The following RALYL variants were observed in gnomAD, a reference collection of about 807,000 sequenced individuals.
RALYL encodes the protein RALY RNA binding protein like.
A neutral mutation model predicts 35.1 loss-of-function variants in RALYL; 29 were observed. The observed-to-expected ratio is 0.83, with a 90% confidence interval of 0.61 to 1.13. The LOEUF is 1.13. Ranked by LOEUF, RALYL falls within the 50% of genes most tolerant of loss-of-function variation. The probability of loss-of-function intolerance (pLI) is 0.00; values close to 1 mark genes in which losing one functional copy is unlikely to be tolerated. For synonymous variants in RALYL, 120 were observed against 127.6 expected (o/e 0.94, Z 0.40); for missense variants, 359 against 360.4 (o/e 1.00, Z 0.03).
At chr8:84,664,262 G>GTTTTTTTTTTTTTTT (rs750256632) in intron 2 of RALYL, among the ~76,000 whole-genome samples, 1 of 43,064 alleles carries the variant, frequency 2.3e-5, no homozygotes, top group Non-Finnish European at 4.3e-5. Flanking sequence ...GATGCCTCTA[G>GTTTTTTTTTTTTTTT]ATTTTTTTTT....
At chr8:84,644,332 C>T (rs966896135) in intron 2 of RALYL, among the ~76,000 whole-genome samples, 1 of 151,960 alleles carries the variant, frequency 6.6e-6, no homozygotes, top group Non-Finnish European at 1.5e-5. Flanking sequence ...TATTCATACA[C>T]TTAACAAATA....
chr8:84,301,315 A>AT (rs1428565207), intron 1 of RALYL, among the ~76,000 whole-genome samples: 1 of 151,146 alleles, frequency 6.6e-6, no homozygotes, highest in Non-Finnish European at 1.5e-5. Context: ...CTTAAAAAAA[A>AT]TTTTTTTTTA....
intron 1 of RALYL, among the ~76,000 whole-genome samples, chr8:84,420,130 C>A (rs965129051): frequency 1.4e-4 from 21 of 151,766 alleles, no homozygotes; most frequent in Non-Finnish European, 2.5e-4. Context: ...CACTGACTTC[C>A]ACAATGGTTG....
intron 1 of RALYL, among the ~76,000 whole-genome samples, chr8:84,414,845 C>T (rs2044472065): frequency 6.6e-6 from 1 of 152,126 alleles, no homozygotes; most frequent in South Asian, 2.1e-4. Flanking sequence ...GCTCAGGAAA[C>T]ATGGGCCAAG....
intron 2 of RALYL, among the ~76,000 whole-genome samples, chr8:84,711,165 C>A (rs531063287): frequency 6.6e-6 from 1 of 151,982 alleles, no homozygotes; most frequent in African/African-American, 2.4e-5. Context: ...AAGAAAGAGT[C>A]CAATAAGTAG....
intron 2 of RALYL, among the ~76,000 whole-genome samples, chr8:84,623,424 A>G (rs901226223): frequency 2.0e-5 from 3 of 152,184 alleles, no homozygotes; most frequent in Admixed American, 2.0e-4. Flanking sequence ...TATGAAATTA[A>G]TAAATCTCCA....
At chr8:84,294,767 A>G (rs1405148935) in intron 1 of RALYL, among the ~76,000 whole-genome samples, 1 of 142,182 alleles carries the variant, frequency 7.0e-6, no homozygotes, top group Non-Finnish European at 1.5e-5. Flanking sequence ...ACTTTGTACT[A>G]AAAAAAAAAA....
chr8:84,859,263 T>G (rs1262643032), intron 5 of RALYL, among the ~76,000 whole-genome samples: 1 of 152,112 alleles, frequency 6.6e-6, no homozygotes, highest in East Asian at 1.9e-4. Context: ...TTTCAATTTT[T>G]CATCGGCCAT....
At chr8:84,789,819 C>T (rs954373118) in intron 3 of RALYL, among the ~76,000 whole-genome samples, 1 of 151,994 alleles carries the variant, frequency 6.6e-6, no homozygotes, top group East Asian at 1.9e-4. Context: ...GTAATCACTC[C>T]AGCCAGAGCC....
chr8:84,831,594 G>A (rs1297121377), intron 4 of RALYL, among the ~76,000 whole-genome samples: 6 of 152,124 alleles, frequency 3.9e-5, no homozygotes, highest in Non-Finnish European at 8.8e-5. Context: ...GGGTTAAAGT[G>A]ATTCACTGAA....
intron 1 of RALYL, among the ~76,000 whole-genome samples, chr8:84,317,983 G>T (rs75625053): frequency 1.6e-3 from 240 of 151,660 alleles, no homozygotes; most frequent in Non-Finnish European, 2.3e-3. Flanking sequence ...CCTCTTAAAT[G>T]CCATTACCTT....
At chr8:84,738,766 G>A (rs1222077391) in intron 2 of RALYL, among the ~76,000 whole-genome samples, 1 of 152,006 alleles carries the variant, frequency 6.6e-6, no homozygotes, top group Non-Finnish European at 1.5e-5. Flanking sequence ...GGAAATAGCT[G>A]TAATACTGTG....
At chr8:84,222,162 A>G (rs750703918) in intron 1 of RALYL, among the ~76,000 whole-genome samples, 4 of 152,100 alleles carry the variant, frequency 2.6e-5, no homozygotes, top group Admixed American at 6.6e-5. Flanking sequence ...TGGTATGCAG[A>G]GGTAAATTAC....
At chr8:84,603,369 T>C (rs963676345) in intron 2 of RALYL, among the ~76,000 whole-genome samples, 1 of 152,142 alleles carries the variant, frequency 6.6e-6, no homozygotes, top group Admixed American at 6.6e-5. Context: ...CCTCCTTTTG[T>C]CTTTGTCAGG....
At chr8:84,618,021 T>C (rs374305277) in intron 2 of RALYL, among the ~76,000 whole-genome samples, 17 of 151,792 alleles carry the variant, frequency 1.1e-4, no homozygotes, top group Non-Finnish European at 1.9e-4. Flanking sequence ...ATTTTTGCAT[T>C]AATGTTCATC....
Position 84,841,284 on chromosome 8 carries a change from A to C in RALYL, c.366-8696A>C, listed in dbSNP as rs1397905743. ...AAGGGTGGAGGAAGATCTACCAAGC[A>C]AATGGAAAACAAAAAAAGGCAGGGG... On this transcript the variant is annotated intron_variant, in intron 4 of 8. Transcript: ENST00000521268. Among the ~76,000 whole-genome samples the C allele has an allele frequency of 5.9e-5, 9 of 152,310 alleles. No homozygotes were observed. In the South Asian group the frequency reaches 8.3e-4, roughly 14 times the overall value.
intron 2 of RALYL, among the ~76,000 whole-genome samples, chr8:84,723,902 T>C (rs558134033): frequency 8.2e-4 from 125 of 151,892 alleles, no homozygotes; most frequent in Middle Eastern, 3.4e-3. Flanking sequence ...CTGTAAATTA[T>C]ATTTATTTCT....
At chr8:84,415,749 A>G (rs2044629584) in intron 1 of RALYL, among the ~76,000 whole-genome samples, 2 of 151,554 alleles carry the variant, frequency 1.3e-5, no homozygotes, top group Admixed American at 1.3e-4. Flanking sequence ...CCGTTACAAT[A>G]GTACTTAATT....
At chr8:84,303,110 T>C (rs1841134542) in intron 1 of RALYL, among the ~76,000 whole-genome samples, 1 of 152,230 alleles carries the variant, frequency 6.6e-6, no homozygotes, top group African/African-American at 2.4e-5. Flanking sequence ...TATGTGTCTA[T>C]CTCTCACTAG....
Sources: gnomAD v4.1 joint callset for allele counts (sites outside exome capture counted in the v4.1 genomes callset) on GRCh38, gnomAD v4.1.1 for gene constraint, MANE v1.5 for transcripts, NCBI Gene and HGNC (gene_info 2026-07-23, HGNC 2026-07-21) for gene names.